Variants in IFT81 observed in about 807,000 individuals in gnomAD.
IFT81 encodes the protein intraflagellar transport 81.
A neutral mutation model predicts 102.6 loss-of-function variants in IFT81; 72 were observed. The observed-to-expected ratio is 0.70, with a 90% CI of 0.58 to 0.85. IFT81 has a LOEUF of 0.85. Among genes scored for constraint, IFT81 ranks in the 40% least tolerant of loss-of-function variants. The pLI is 0.00. For synonymous variants in IFT81, 237 were observed against 242.7 expected (o/e 0.98, Z 0.22); for missense variants, 723 against 787.3 (o/e 0.92, Z 0.98).
intron 12 of IFT81, among the ~76,000 whole-genome samples, chr12:110,187,375 C>T (rs1593352478): frequency 6.6e-6 from 1 of 151,982 alleles, no homozygotes; most frequent in Non-Finnish European, 1.5e-5. Context: ...GTGATTCTCC[C>T]ACCTCAGCCT....
intron 8 of IFT81, among the ~76,000 whole-genome samples, chr12:110,142,857 A>AG (rs1894980435): frequency 6.6e-6 from 1 of 152,232 alleles, no homozygotes; most frequent in East Asian, 1.9e-4. Context: ...GAGCTGAGAT[A>AG]GTGCCACTAC....
chr12:110,128,807 A>G (rs76566316), intron 3 of IFT81, 143 bp from the exon 4 acceptor site: 1 of 615,586 alleles, frequency 1.6e-6, no homozygotes, highest in African/African-American at 1.9e-5. Flanking sequence ...AAAAAAAAAA[A>G]AAAGATTCCT....
At chr12:110,188,070 C>T (rs146675733) in intron 12 of IFT81, among the ~76,000 whole-genome samples, 4,203 of 152,228 alleles carry the variant, frequency 0.028, 85 homozygotes, top group Middle Eastern at 0.082. Context: ...CGGTGGCTCA[C>T]GCCTGTAATC....
intron 10 of IFT81, among the ~76,000 whole-genome samples, chr12:110,158,751 G>A (rs530360744): frequency 2.0e-5 from 3 of 152,066 alleles, no homozygotes; most frequent in East Asian, 1.9e-4. Flanking sequence ...CACCACGCCC[G>A]TCTAATTTTT....
chr12:110,208,171 G>A (rs1593375805), intron 17 of IFT81, among the ~76,000 whole-genome samples: 1 of 152,216 alleles, frequency 6.6e-6, no homozygotes, highest in East Asian at 1.9e-4. Flanking sequence ...ATGTATGTGT[G>A]TATACACACA....
chr12:110,166,684 A>G (rs141591011), intron 11 of IFT81, among the ~76,000 whole-genome samples: 1 of 151,382 alleles, frequency 6.6e-6, no homozygotes, highest in East Asian at 2.0e-4. Flanking sequence ...CCTAATGGCA[A>G]TATTTTATTG....
At position 110,127,591 on chromosome 12, in the gene IFT81, G is replaced by A. The variant is rs972454448; in HGVS notation, c.144+67G>A. ...AATTTCTCCCTCTAAATAGCTGTGA[G>A]TCTTGGGCACATTATTTAACCTCTC... On this transcript the variant is annotated intron_variant, in intron 2 of 18. Coordinates refer to ENST00000242591, the MANE Select transcript of IFT81 (RefSeq NM_014055.4). 88 of 1,398,966 alleles carry A rather than the reference G, an allele frequency of 6.3e-5. No homozygotes were observed. The Middle Eastern group carries it at 9.1e-4, about 14-fold the overall frequency. The allele number at this position is 1,398,966 out of a possible 1,614,324, so 86.7% of individuals were successfully genotyped here.
At chr12:110,179,594 C>T (rs1437316958) in intron 11 of IFT81, among the ~76,000 whole-genome samples, 1 of 150,578 alleles carries the variant, frequency 6.6e-6, no homozygotes. Context: ...TGGTGCTCTG[C>T]ACCTGTGGTC....
chr12:110,142,924 G>GTA (rs1346988893), intron 8 of IFT81, among the ~76,000 whole-genome samples: 5 of 151,510 alleles, frequency 3.3e-5, no homozygotes, highest in African/African-American at 7.3e-5. Flanking sequence ...AAATACATAT[G>GTA]TATATATATA....
chr12:110,129,276 T>C, intron 4 of IFT81, 146 bp downstream of exon 4: 2 of 577,680 alleles, frequency 3.5e-6, no homozygotes, highest in East Asian at 3.4e-5. Flanking sequence ...TGTTCAACTA[T>C]GGCCACATCT....
intron 7 of IFT81, among the ~76,000 whole-genome samples, chr12:110,135,643 C>T (rs911182577): frequency 2.0e-5 from 3 of 151,926 alleles, no homozygotes; most frequent in East Asian, 1.9e-4. Context: ...CTGAGGCGGG[C>T]GAATCAGGAG....
chr12:110,208,159 A>T (rs948086102), intron 17 of IFT81, among the ~76,000 whole-genome samples: 4 of 152,182 alleles, frequency 2.6e-5, no homozygotes, highest in African/African-American at 9.7e-5. Flanking sequence ...GGGAAATGTT[A>T]TATGTATGTG....
At chr12:110,167,847 C>CTTTTT in intron 11 of IFT81, 14 of 228,230 alleles carry the variant, frequency 6.1e-5, no homozygotes, top group South Asian at 2.1e-4. Context: ...ATTTAGGTTT[C>CTTTTT]TTTTTTTTTT....
intron 10 of IFT81, among the ~76,000 whole-genome samples, chr12:110,161,237 T>C (rs1237258079): frequency 6.8e-6 from 1 of 147,858 alleles, no homozygotes; most frequent in Non-Finnish European, 1.5e-5. Flanking sequence ...GCCTCCCAGG[T>C]TCAAGGAATT....
At chr12:110,153,224 GT>G (rs1895640455) in intron 10 of IFT81, among the ~76,000 whole-genome samples, 2 of 152,130 alleles carry the variant, frequency 1.3e-5, no homozygotes, top group South Asian at 2.1e-4. Flanking sequence ...AGGATTTGAT[GT>G]TTGTTATTTT....
chr12:110,205,491 C>T lies in IFT81; in HGVS notation c.1693C>T (p.His565Tyr), dbSNP rs760215197. 1 of 1,603,804 alleles carries T rather than the reference C, an allele frequency of 6.2e-7. No individual in the cohort carries two copies. The highest frequency in any genetic ancestry group is 1.7e-4 in the Middle Eastern group (1 of 5,960). Reference sequence around the variant, plus strand: ...ATGTCTTCAAGAAGAAAGTAGATACCATTATACAAATTGTATGATTAAGGT... The same window carrying T: ...ATGTCTTCAAGAAGAAAGTAGATACTATTATACAAATTGTATGATTAAGGT... Reference protein sequence around the residue: ...EECLQEESRYHYTNCMIKNLE... With the variant: ...EECLQEESRYYYTNCMIKNLE... The change falls in exon 16 of 19, where the codon CAT (histidine) becomes TAT (tyrosine). Residue 565 changes from histidine to tyrosine, a missense_variant. Transcript: ENST00000242591.
intron 12 of IFT81, among the ~76,000 whole-genome samples, chr12:110,189,598 C>T (rs1897698939): frequency 6.6e-6 from 1 of 152,210 alleles, no homozygotes; most frequent in African/African-American, 2.4e-5. Flanking sequence ...ATCCACCTGC[C>T]TCAGCCTCCC....
intron 6 of IFT81, 102 bp downstream of exon 6, chr12:110,135,115 T>G: frequency 1.1e-6 from 1 of 909,252 alleles, no homozygotes; most frequent in Non-Finnish European, 1.7e-6. Flanking sequence ...AGTGTACATC[T>G]GAGGATGGAC....
intron 14 of IFT81, among the ~76,000 whole-genome samples, chr12:110,195,509 A>G (rs1477942000): frequency 1.3e-5 from 2 of 152,184 alleles, no homozygotes; most frequent in African/African-American, 2.4e-5. Flanking sequence ...AATTAAAAAA[A>G]TGAGGAAACC....
Sources: allele counts gnomAD v4.1 joint callset (sites outside exome capture counted in the v4.1 genomes callset), GRCh38; gene constraint gnomAD v4.1.1; transcripts MANE v1.5; gene names NCBI Gene and HGNC (gene_info 2026-07-23, HGNC 2026-07-21).